Variants in WWOX observed in about 807,000 individuals in gnomAD.
WWOX encodes the protein WW domain containing oxidoreductase, also known as WW domain-containing oxidoreductase.
Under a neutral mutation model 46.2 loss-of-function variants are expected in WWOX, and 69 were observed. The observed-to-expected ratio is 1.49, with a 90% CI of 1.23 to 1.82. The LOEUF is 1.82. Ranked by LOEUF, WWOX falls within the 40% of genes most tolerant of loss-of-function variation. The pLI is 0.00. For synonymous variants in WWOX, 359 were observed against 202.6 expected (o/e 1.77, Z -6.56); for missense variants, 919 against 542.6 (o/e 1.69, Z -6.89).
chr16:78,899,420 G>T (rs573598695), intron 8 of WWOX: 1 of 152,090 alleles, frequency 6.6e-6, no homozygotes, highest in Admixed American at 6.5e-5. Context: ...TATTTACCCC[G>T]TATGTCACTT....
At chr16:78,727,942 T>C (rs1476388192) in intron 8 of WWOX, among the ~76,000 whole-genome samples, 1 of 152,006 alleles carries the variant, frequency 6.6e-6, no homozygotes, top group Non-Finnish European at 1.5e-5. Flanking sequence ...ATATTTATCA[T>C]ACTAGAAATT....
chr16:79,139,934 A>T (rs576805318), intron 8 of WWOX, among the ~76,000 whole-genome samples: 1 of 152,354 alleles, frequency 6.6e-6, no homozygotes, highest in African/African-American at 2.4e-5. Context: ...TTCTCCAAAT[A>T]CGGACTTGTA....
intron 8 of WWOX, among the ~76,000 whole-genome samples, chr16:78,707,947 G>C (rs547811574): frequency 2.0e-5 from 3 of 152,180 alleles, no homozygotes; most frequent in African/African-American, 7.2e-5. Context: ...CGTGGTTTTT[G>C]CCATTACTTT....
At chr16:78,573,603 C>T (rs925059459) in intron 8 of WWOX, among the ~76,000 whole-genome samples, 5 of 152,222 alleles carry the variant, frequency 3.3e-5, no homozygotes, top group African/African-American at 1.2e-4. Flanking sequence ...CATTCCTTTG[C>T]CCAGTGTACT....
At chr16:78,176,623 T>C (rs1275858543) in intron 5 of WWOX, among the ~76,000 whole-genome samples, 1 of 152,216 alleles carries the variant, frequency 6.6e-6, no homozygotes, top group African/African-American at 2.4e-5. Context: ...ACTAATATTA[T>C]GGCACTTTGA....
rs757172208 is a variant in WWOX, at chr16:78,774,879, G to A, written c.1056+342127G>A. On this transcript the variant is annotated intron_variant, in intron 8 of 8. Coordinates refer to ENST00000566780, the MANE Select transcript of WWOX (RefSeq NM_016373.4). ...TCCCCTTATTGAGCAGATGTTTACC[G>A]CAGAGCACTAAGACAGATGGAACGT... 4.6e-5 allele frequency among the ~76,000 whole-genome samples: 7 copies of A among 152,144 alleles called. No homozygotes were observed. In the South Asian group the frequency reaches 6.2e-4, roughly 14 times the overall value.
At chr16:78,381,567 GTC>G (rs2081957719) in intron 5 of WWOX, among the ~76,000 whole-genome samples, 1 of 152,040 alleles carries the variant, frequency 6.6e-6, no homozygotes, top group African/African-American at 2.4e-5. Context: ...GGTAGGTAGA[GTC>G]TGTATACATA....
At chr16:78,699,628 C>G (rs900531410) in intron 8 of WWOX, among the ~76,000 whole-genome samples, 1 of 152,116 alleles carries the variant, frequency 6.6e-6, no homozygotes, top group South Asian at 2.1e-4. Flanking sequence ...TTTGGTTAAT[C>G]AATGATTATC....
chr16:78,564,602 G>C (rs1229706192), intron 8 of WWOX, among the ~76,000 whole-genome samples: 1 of 152,062 alleles, frequency 6.6e-6, no homozygotes, highest in Middle Eastern at 3.2e-3. Flanking sequence ...TTTCTCCTAA[G>C]CAATCAATTT....
At position 78,435,200 on chromosome 16, in the gene WWOX, G is replaced by A. The variant is rs114419634; in HGVS notation, c.1056+2448G>A. Among the ~76,000 whole-genome samples the A allele has an allele frequency of 8.2e-3, 1,243 of 152,144 alleles. 16 individuals are homozygous for A. The highest frequency in any genetic ancestry group is 0.027 in the African/African-American group (1,137 of 41,520). On this transcript the variant is annotated intron_variant, in intron 8 of 8. Transcript: ENST00000566780. ...ATGGAGGCAGAGGGACTACCATGTC[G>A]GGGAGGATGCACAATGAATTGGACG...
chr16:78,431,889 TA>T (rs889594371), intron 7 of WWOX, among the ~76,000 whole-genome samples: 14 of 152,118 alleles, frequency 9.2e-5, no homozygotes, highest in African/African-American at 3.4e-4. Flanking sequence ...ACTAATTGTT[TA>T]TTTTTTGTAG....
chr16:78,888,734 A>G (rs2044521571), intron 8 of WWOX, among the ~76,000 whole-genome samples: 1 of 152,214 alleles, frequency 6.6e-6, no homozygotes, highest in South Asian at 2.1e-4. Flanking sequence ...AGACAACGAA[A>G]TACATTCCCC....
intron 8 of WWOX, among the ~76,000 whole-genome samples, chr16:78,761,379 T>A (rs1004318408): frequency 6.6e-6 from 1 of 152,172 alleles, no homozygotes; most frequent in East Asian, 1.9e-4. Context: ...GAGAACTCTT[T>A]AGCATTTACA....
In WWOX at chr16:78,613,422, G is replaced by C. The variant is rs535018553; in HGVS notation, c.1056+180670G>C. Among the ~76,000 whole-genome samples, 9 of 152,238 alleles carry C rather than the reference G, an allele frequency of 5.9e-5. No homozygotes were observed. The South Asian group carries it at 1.7e-3, about 28-fold the overall frequency. ...TGTTACAAGGCCCCTCCTGAAACCA[G>C]ATTGGTGTCTATGAGGGTCATCTGG... On this transcript the variant is annotated intron_variant, in intron 8 of 8. Transcript: ENST00000566780.
At chr16:78,617,115 C>G (rs1183342536) in intron 8 of WWOX, among the ~76,000 whole-genome samples, 1 of 152,098 alleles carries the variant, frequency 6.6e-6, no homozygotes, top group Non-Finnish European at 1.5e-5. Flanking sequence ...TCAGTTTAGT[C>G]TTTAAAAGGT....
intron 8 of WWOX, among the ~76,000 whole-genome samples, chr16:79,094,831 C>A (rs1359292555): frequency 6.6e-6 from 1 of 152,036 alleles, no homozygotes; most frequent in Non-Finnish European, 1.5e-5. Flanking sequence ...TTAAAAGGAG[C>A]CCAATATTTA....
intron 8 of WWOX, among the ~76,000 whole-genome samples, chr16:78,845,225 G>A (rs2052268137): frequency 6.9e-6 from 1 of 145,974 alleles, no homozygotes; most frequent in African/African-American, 2.5e-5. Flanking sequence ...AAAAAATACT[G>A]CCTATTAGTC....
In WWOX at chr16:79,211,925, C is replaced by T. The variant is rs770083632; in HGVS notation, c.*129C>T. The T allele has an allele frequency of 1.5e-5, 23 of 1,539,674 alleles. No individual in the cohort carries two copies. The highest frequency in any genetic ancestry group is 7.3e-5 in the East Asian group (3 of 41,008). ...CAAGAGTAAAGGAAATAAGAGCAGTCACAACAGAGTGAAAAATCTTAAGTA... is the reference window on the plus strand; with the variant it reads ...CAAGAGTAAAGGAAATAAGAGCAGTTACAACAGAGTGAAAAATCTTAAGTA... On this transcript the variant is annotated 3_prime_UTR_variant, in exon 9 of 9. Coordinates refer to ENST00000566780, the MANE Select transcript of WWOX (RefSeq NM_016373.4).
At chr16:78,582,884 G>A (rs969865176) in intron 8 of WWOX, among the ~76,000 whole-genome samples, 4 of 152,150 alleles carry the variant, frequency 2.6e-5, no homozygotes, top group African/African-American at 2.4e-5. Flanking sequence ...AACCTCCTAT[G>A]GGAACCAGAG....
Sources: gnomAD v4.1 joint callset for allele counts (sites outside exome capture counted in the v4.1 genomes callset) on GRCh38, gnomAD v4.1.1 for gene constraint, MANE v1.5 for transcripts, NCBI Gene and HGNC (gene_info 2026-07-23, HGNC 2026-07-21) for gene names.